OCA2: variants seen among roughly 807,000 people sequenced by gnomAD.
OCA2 encodes OCA2 melanosomal transmembrane protein.
Under a neutral mutation model 100.2 loss-of-function variants are expected in OCA2, and 77 were observed. The ratio of observed to expected loss-of-function variants is 0.77; its 90% CI spans 0.64 to 0.93. OCA2 has a LOEUF of 0.93. Among genes scored for constraint, OCA2 ranks in the 40% least tolerant of loss-of-function variants. OCA2 has a pLI of 0.00. For synonymous variants in OCA2, 432 were observed against 439.2 expected (o/e 0.98, Z 0.21); for missense variants, 1,062 against 1,089.1 (o/e 0.98, Z 0.35).
At position 28,010,560 on chromosome 15, in the gene OCA2, T is replaced by C. The variant is rs145976459; in HGVS notation, c.1044+4216A>G. The stretch of plus-strand genomic sequence containing the variant: ...CACAGAAAAATGTATTTATATGTAC[T>C]GACAATAGATAGGTGGAAATCAAAA... On this transcript the variant is annotated intron_variant, in intron 9 of 23. Transcript: ENST00000354638. 7.9e-5 allele frequency among the ~76,000 whole-genome samples: 12 copies of C among 152,282 alleles called. No homozygotes were observed. In the East Asian group the frequency reaches 2.3e-3, roughly 29 times the overall value.
chr15:27,977,648 T>C (rs1029433376), intron 14 of OCA2, among the ~76,000 whole-genome samples: 12 of 152,210 alleles, frequency 7.9e-5, no homozygotes, highest in Non-Finnish European at 1.2e-4. Context: ...CTGAATTGTG[T>C]TTCCCCGAAA....
chr15:28,027,807 G>A, intron 4 of OCA2, 64 bp downstream of exon 4: 1 of 1,516,840 alleles, frequency 6.6e-7, no homozygotes, highest in East Asian at 2.3e-5. Context: ...AAGATGGAGG[G>A]GCCATGTAGG....
At chr15:27,824,602 C>CTCTCTCTCTATATATATATA in intron 23 of OCA2, among the ~76,000 whole-genome samples, 34 of 47,584 alleles carry the variant, frequency 7.1e-4, no homozygotes, top group South Asian at 3.1e-3. Context: ...CTCTCTCTCT[C>CTCTCTCTCTATATATATATA]TATATATATA....
At chr15:28,016,768 G>A (rs1336895269) in intron 7 of OCA2, among the ~76,000 whole-genome samples, 1 of 152,278 alleles carries the variant, frequency 6.6e-6, no homozygotes, top group Non-Finnish European at 1.5e-5. Flanking sequence ...GCAACAGAGT[G>A]AGACCCCCGA....
chr15:27,981,878 T>TC (rs2041173457), intron 14 of OCA2, among the ~76,000 whole-genome samples: 2 of 152,164 alleles, frequency 1.3e-5, no homozygotes, highest in Non-Finnish European at 2.9e-5. Context: ...TCAGGGGGTG[T>TC]CATGGGCTTG....
intron 23 of OCA2, among the ~76,000 whole-genome samples, chr15:27,806,585 G>A (rs999282786): frequency 1.3e-5 from 2 of 152,340 alleles, no homozygotes; most frequent in Non-Finnish European, 2.9e-5. Flanking sequence ...CGCTCCACCC[G>A]TGCCCTTGGC....
intron 14 of OCA2, among the ~76,000 whole-genome samples, chr15:27,971,096 G>A (rs867576570): frequency 1.2e-3 from 178 of 151,472 alleles, no homozygotes; most frequent in African/African-American, 4.0e-3. Flanking sequence ...CAGCATGCCC[G>A]GCATGGTGAG....
the OCA2 span, among the ~76,000 whole-genome samples, chr15:27,731,714 T>C: frequency 6.6e-6 from 1 of 152,228 alleles, no homozygotes; most frequent in Non-Finnish European, 1.5e-5. Context: ...CAGTCAGTTC[T>C]GAGAATGAGG....
At chr15:27,742,061 G>A in the OCA2 span, among the ~76,000 whole-genome samples, 1 of 152,224 alleles carries the variant, frequency 6.6e-6, no homozygotes. Context: ...AGACGTATCT[G>A]AACTGTGGCA....
chr15:27,818,231 T>C (rs2034377308), intron 23 of OCA2, among the ~76,000 whole-genome samples: 1 of 151,858 alleles, frequency 6.6e-6, no homozygotes, highest in African/African-American at 2.4e-5. Flanking sequence ...CTCTACTAAG[T>C]ATACAAAATT....
At chr15:28,024,033 G>A (rs535510467) in intron 5 of OCA2, among the ~76,000 whole-genome samples, 6 of 152,248 alleles carry the variant, frequency 3.9e-5, no homozygotes, top group Non-Finnish European at 7.4e-5. Context: ...TTTGAGTGCC[G>A]CTATGTGACC....
chr15:28,033,251 A>G (rs1024716831), intron 2 of OCA2, among the ~76,000 whole-genome samples: 18 of 152,206 alleles, frequency 1.2e-4, no homozygotes, highest in Non-Finnish European at 1.8e-4. Flanking sequence ...CACTGAGAAT[A>G]TGTCATTTTA....
chr15:27,739,282 C>T, the OCA2 span, among the ~76,000 whole-genome samples: 1 of 152,084 alleles, frequency 6.6e-6, no homozygotes, highest in African/African-American at 2.4e-5. Context: ...AACTCCACCC[C>T]TAGGAAGGAT....
chr15:27,984,622 G>A (rs933996886), intron 13 of OCA2, among the ~76,000 whole-genome samples: 54 of 152,260 alleles, frequency 3.5e-4, no homozygotes, highest in African/African-American at 1.2e-3. Flanking sequence ...GTGTGGTGGC[G>A]CAATCTCAGC....
At chr15:27,964,405 A>G (rs1020747668) in intron 15 of OCA2, among the ~76,000 whole-genome samples, 1 of 152,214 alleles carries the variant, frequency 6.6e-6, no homozygotes, top group African/African-American at 2.4e-5. Flanking sequence ...TCACCATGTA[A>G]GTCATGCTCT....
chr15:27,887,480 G>A (rs2037271840), intron 19 of OCA2, among the ~76,000 whole-genome samples: 1 of 151,546 alleles, frequency 6.6e-6, no homozygotes, highest in South Asian at 2.1e-4. Context: ...CCCCTACAAA[G>A]AGATACCAGT....
chr15:27,821,757 AT>A (rs1475632008), intron 23 of OCA2, among the ~76,000 whole-genome samples: 1 of 152,126 alleles, frequency 6.6e-6, no homozygotes, highest in Non-Finnish European at 1.5e-5. Context: ...GCTCGCATAC[AT>A]ACAGGCACAT....
intron 2 of OCA2, among the ~76,000 whole-genome samples, chr15:28,032,659 T>C (rs1278985621): frequency 1.3e-5 from 2 of 149,608 alleles, no homozygotes; most frequent in African/African-American, 2.5e-5. Flanking sequence ...CCAGGCATAG[T>C]GGTGGGTGCC....
intron 1 of OCA2, among the ~76,000 whole-genome samples, chr15:28,088,709 G>A (rs2044821443): frequency 6.6e-6 from 1 of 152,180 alleles, no homozygotes; most frequent in South Asian, 2.1e-4. Context: ...AAAGGGGAGG[G>A]AGTACATGAA....
Sources: gnomAD v4.1 joint callset for allele counts (sites outside exome capture counted in the v4.1 genomes callset) on GRCh38, gnomAD v4.1.1 for gene constraint, MANE v1.5 for transcripts, NCBI Gene and HGNC (gene_info 2026-07-23, HGNC 2026-07-21) for gene names.